Variants in TMEM127 observed in about 807,000 individuals in gnomAD.
TMEM127 encodes the protein transmembrane protein 127.
A neutral mutation model predicts 20.1 loss-of-function variants in TMEM127; 21 were observed. That is an observed-to-expected ratio of 1.04 (90% CI 0.74 to 1.50). The LOEUF is 1.50. Ranked by LOEUF, TMEM127 falls within the 40% of genes most tolerant of loss-of-function variation. The probability of loss-of-function intolerance (pLI) is 0.00; values close to 1 mark genes in which losing one functional copy is unlikely to be tolerated. For missense variants in TMEM127, 303 were observed against 317.4 expected, an observed-to-expected ratio of 0.95 and a Z score of 0.34; for synonymous variants, 150 against 144.7, an observed-to-expected ratio of 1.04 and a Z score of -0.26.
intron 2 of TMEM127, among the ~76,000 whole-genome samples, chr2:96,263,650 G>A (rs1465319499): frequency 1.3e-5 from 2 of 152,112 alleles, no homozygotes; most frequent in African/African-American, 2.4e-5. Context: ...AAATGACACG[G>A]CATCATTTTA....
At chr2:96,259,980 G>C (rs1387825951) in intron 2 of TMEM127, among the ~76,000 whole-genome samples, 5 of 152,180 alleles carry the variant, frequency 3.3e-5, no homozygotes, top group African/African-American at 1.2e-4. Context: ...GCCAGACTAA[G>C]GGCCTACCCT....
rs1465177159 is a variant in TMEM127 at position 96,249,513 on chromosome 2, C to G, written c.*4295G>C. 1 of 227,788 alleles carries G rather than the reference C, an allele frequency of 4.4e-6. No individual in the cohort carries two copies. The highest frequency in any genetic ancestry group is 2.2e-5 in the African/African-American group (1 of 45,014). 14.1% of individuals were successfully genotyped at this position (227,788 alleles called of 1,614,324 possible). A position where few individuals can be genotyped will look rare whatever the true frequency, so the allele number is the denominator to read the frequency against. ...GTGGCTCAAGCCTGTAATCCCAACC[C>G]TTTGGGAAGGGAGGCAGAAGGATTG... On this transcript the variant is annotated 3_prime_UTR_variant, in exon 4 of 4. Coordinates refer to ENST00000258439, the MANE Select transcript of TMEM127 (RefSeq NM_017849.4).
At chr2:96,258,983 G>A (rs1684262792) in intron 2 of TMEM127, among the ~76,000 whole-genome samples, 1 of 152,196 alleles carries the variant, frequency 6.6e-6, no homozygotes, top group Non-Finnish European at 1.5e-5. Flanking sequence ...TGGATGGTGA[G>A]CACAAGGATG....
chr2:96,260,956 C>T (rs1444067177), intron 2 of TMEM127, among the ~76,000 whole-genome samples: 4 of 152,176 alleles, frequency 2.6e-5, no homozygotes, highest in Admixed American at 2.0e-4. Context: ...CTGGCAGTGT[C>T]AGCTGCCCCA....
At chr2:96,259,531 T>A (rs4907307) in intron 2 of TMEM127, among the ~76,000 whole-genome samples, 51,328 of 152,080 alleles carry the variant, frequency 0.34, 9,233 homozygotes, top group South Asian at 0.71. Flanking sequence ...GAAATCTCTC[T>A]AAGAAGCAAA....
Position 96,249,106 on chromosome 2 carries a change from G to A in TMEM127, c.*4702C>T. On this transcript the variant is annotated 3_prime_UTR_variant, in exon 4 of 4. Coordinates refer to ENST00000258439, the MANE Select transcript of TMEM127 (RefSeq NM_017849.4). ...GTGTGTGTGTGGTGTGTGTGTGTGTGTGTGTGTGTGTTTGAGATGGAGTCT... is the reference window on the plus strand; with the variant it reads ...GTGTGTGTGTGGTGTGTGTGTGTGTATGTGTGTGTGTTTGAGATGGAGTCT... 4.3e-6 allele frequency: 1 copy of A among 232,450 alleles called. No individual in the cohort carries two copies. The highest frequency in any genetic ancestry group is 8.5e-6 in the Non-Finnish European group (1 of 117,684). The allele number at this position is 232,450 out of a possible 1,614,324, so 14.4% of individuals were successfully genotyped here.
intron 2 of TMEM127, among the ~76,000 whole-genome samples, chr2:96,257,088 A>T (rs1471719205): frequency 6.6e-6 from 1 of 152,230 alleles, no homozygotes; most frequent in African/African-American, 2.4e-5. Flanking sequence ...GGGAGAGCCC[A>T]TGACAACAAC....
chr2:96,255,363 T>C (rs1684183447), intron 2 of TMEM127, among the ~76,000 whole-genome samples: 1 of 152,232 alleles, frequency 6.6e-6, no homozygotes, highest in African/African-American at 2.4e-5. Flanking sequence ...AAGCCTGACT[T>C]TGGAGCTGAG....
Position 96,253,834 on chromosome 2 carries a change from G to A in TMEM127, c.691C>T (p.Gln231Ter), listed in dbSNP as rs1684140524. 4 of 1,612,292 alleles carry A rather than the reference G, an allele frequency of 2.5e-6. No individual in the cohort carries two copies. Among genetic ancestry groups the A allele is most frequent in the Non-Finnish European group, 3.4e-6 (4 of 1,178,476 alleles). ...PAEYEVINQF[Q>*]PPPAYTP ...TAGGGTGTGTAAGCAGGGGGTGGCTGGAACTGGTTGATGACCTCATATTCC... is the reference window on the plus strand; with the variant it reads ...TAGGGTGTGTAAGCAGGGGGTGGCTAGAACTGGTTGATGACCTCATATTCC... The change falls in exon 4 of 4, where the codon CAG becomes TAG. Residue 231 changes from glutamine to a stop codon, truncating the protein, a stop_gained. Coordinates refer to ENST00000258439, the MANE Select transcript of TMEM127 (RefSeq NM_017849.4). LOFTEE classifies it high-confidence loss of function. The surrounding 1 kb of genome is among the most constrained non-coding windows in gnomAD (Gnocchi z 4.3).
In TMEM127 at chr2:96,253,755, G is replaced by C; in HGVS notation, c.*53C>G. 1.3e-6 allele frequency: 2 copies of C among 1,563,604 alleles called. No homozygotes were observed. Among genetic ancestry groups the C allele is most frequent in the Admixed American group, 3.6e-5 (2 of 56,014 alleles). On this transcript the variant is annotated 3_prime_UTR_variant, in exon 4 of 4. Transcript: ENST00000258439. The surrounding 1 kb of genome is among the most constrained non-coding windows in gnomAD (Gnocchi z 4.3). ...GAAAGGAGCTCCTCTGGGTGCGAGA[G>C]GAGCTGCAGAGTTGAGGGAGGGGCT...
chr2:96,257,378 C>T (rs1684229683), intron 2 of TMEM127, among the ~76,000 whole-genome samples: 1 of 152,090 alleles, frequency 6.6e-6, no homozygotes. Flanking sequence ...AGGAGAATCG[C>T]TTGAACCCTG....
At position 96,254,112 on chromosome 2, in the gene TMEM127, A is replaced by T. The variant is rs772714957; in HGVS notation, c.413T>A (p.Leu138Gln). Residue 138 changes from leucine to glutamine, a missense_variant, in exon 4 of 4, where the codon CTG (leucine) becomes CAG (glutamine). By Grantham distance (113) the Leu-to-Gln change is moderately radical. Coordinates refer to ENST00000258439, the MANE Select transcript of TMEM127 (RefSeq NM_017849.4). Reference sequence around the variant, plus strand: ...AAAGCCAATGACGGTGGCACACTGCAGAACTAGGAGACAGAGGGACAGCAC... The same window carrying T: ...AAAGCCAATGACGGTGGCACACTGCTGAACTAGGAGACAGAGGGACAGCAC... ...RYAFAHILTV[L>Q]QCATVIGFSY... The T allele has an allele frequency of 6.2e-7, 1 of 1,613,758 alleles. No homozygotes were observed. Among genetic ancestry groups the T allele is most frequent in the South Asian group, 1.1e-5 (1 of 91,086 alleles).
intron 3 of TMEM127, among the ~76,000 whole-genome samples, chr2:96,254,504 G>A (rs1300171210): frequency 3.9e-5 from 6 of 152,180 alleles, no homozygotes; most frequent in Non-Finnish European, 1.5e-5. Context: ...AGCTCCAGGG[G>A]AGACACGGGA....
At position 96,265,440 on chromosome 2, in the gene TMEM127, G is replaced by A. The variant is rs542087360; in HGVS notation, c.-59C>T. 1.7e-3 allele frequency: 2,186 copies of A among 1,309,248 alleles called. 1 individual carries two copies. Among genetic ancestry groups the A allele is most frequent in the Non-Finnish European group, 2.0e-3 (2,050 of 1,036,238 alleles). 81.1% of individuals were successfully genotyped at this position (1,309,248 alleles called of 1,614,324 possible). A position where few individuals can be genotyped will look rare whatever the true frequency, so the allele number is the denominator to read the frequency against. Reference sequence around the variant, plus strand: ...TGCTGGTCGCCGCCGACCTCCGCGGGGCGCGCAGAGCCTGACAGTCCGGTG... The same window carrying A: ...TGCTGGTCGCCGCCGACCTCCGCGGAGCGCGCAGAGCCTGACAGTCCGGTG... On this transcript the variant is annotated 5_prime_UTR_variant, in exon 2 of 4. Coordinates refer to ENST00000258439, the MANE Select transcript of TMEM127 (RefSeq NM_017849.4).
In TMEM127 at chr2:96,250,099, A is replaced by G. The variant is rs1684055867; in HGVS notation, c.*3709T>C. 1 of 232,944 alleles carries G rather than the reference A, an allele frequency of 4.3e-6. No individual in the cohort carries two copies. The highest frequency in any genetic ancestry group is 2.2e-5 in the African/African-American group (1 of 45,230). The allele number at this position is 232,944 out of a possible 1,614,324, so 14.4% of individuals were successfully genotyped here. A position where few individuals can be genotyped will look rare whatever the true frequency, so the allele number is the denominator to read the frequency against. On this transcript the variant is annotated 3_prime_UTR_variant, in exon 4 of 4. Coordinates refer to ENST00000258439, the MANE Select transcript of TMEM127 (RefSeq NM_017849.4). ...CCTGTCTCCCACTTTCAACACCCTC[A>G]CTTAAGGCCAGGCAGAACCCTTCCT...
chr2:96,262,481 C>T lies in TMEM127; in HGVS notation c.244+2657G>A, dbSNP rs554073048. 2.1e-4 allele frequency among the ~76,000 whole-genome samples: 32 copies of T among 152,218 alleles called. No individual in the cohort carries two copies. The South Asian group carries it at 6.2e-3, about 30-fold the overall frequency. On this transcript the variant is annotated intron_variant, in intron 2 of 3. Coordinates refer to ENST00000258439, the MANE Select transcript of TMEM127 (RefSeq NM_017849.4). ...GAGAGAAGATGCAATCAAGGACTTCCGGATTCCTTACTGATTCTTCTGTGA... is the reference window on the plus strand; with the variant it reads ...GAGAGAAGATGCAATCAAGGACTTCTGGATTCCTTACTGATTCTTCTGTGA...
In TMEM127 at chr2:96,251,137, C is replaced by G; in HGVS notation, c.*2671G>C. ...CTGTTCTAGAAAGACCTAGAAACTT[C>G]CTGTGTGAAAACAGGATTAGGAAGC... On this transcript the variant is annotated 3_prime_UTR_variant, in exon 4 of 4. Coordinates refer to ENST00000258439, the MANE Select transcript of TMEM127 (RefSeq NM_017849.4). The G allele has an allele frequency of 4.6e-6, 1 of 216,246 alleles. No homozygotes were observed. The highest frequency in any genetic ancestry group is 1.9e-4 in the South Asian group (1 of 5,378). The allele number at this position is 216,246 out of a possible 1,614,324, so 13.4% of individuals were successfully genotyped here.
intron 3 of TMEM127, 121 bp downstream of exon 3, chr2:96,254,712 G>A: frequency 7.9e-7 from 1 of 1,272,414 alleles, no homozygotes; most frequent in Non-Finnish European, 1.1e-6. Context: ...ACTGGAGCTT[G>A]GCACATGAGC....
chr2:96,254,031 T>C lies in TMEM127; in HGVS notation c.494A>G (p.His165Arg), dbSNP rs752030320. The change falls in exon 4 of 4, where the codon CAT becomes CGT. Residue 165 changes from histidine to arginine, a missense_variant. Physicochemically the swap from His to Arg is conservative, Grantham distance 29 (BLOSUM62 0). Transcript: ENST00000258439. ...GAAGGTGACATAGACCTGGGATCCA[T>C]GGTACTTCTTATGCTGCTGCTGCTG... is the stretch of plus-strand genomic sequence containing the variant. ...LAQQQQHKKYHGSQVYVTFAV... is the reference protein window; with the variant it reads ...LAQQQQHKKYRGSQVYVTFAV... 21 of 1,614,006 alleles carry C rather than the reference T, an allele frequency of 1.3e-5. No homozygotes were observed. In the East Asian group the frequency reaches 3.8e-4, roughly 29 times the overall value.
Sources: allele counts gnomAD v4.1 joint callset (sites outside exome capture counted in the v4.1 genomes callset), GRCh38; gene constraint gnomAD v4.1.1; non-coding constraint Gnocchi (gnomAD v3.1); transcripts MANE v1.5; gene names NCBI Gene and HGNC (gene_info 2026-07-23, HGNC 2026-07-21).